Variants in CNTN6 observed in about 807,000 individuals in gnomAD.
The protein encoded by CNTN6 is contactin-6.
A neutral mutation model predicts 122.8 loss-of-function variants in CNTN6; 137 were observed. The observed-to-expected ratio is 1.12, with a 90% CI of 0.97 to 1.29. The LOEUF is 1.29. Among genes scored for constraint, CNTN6 ranks in the 50% most tolerant of loss-of-function variants. The pLI, the probability that CNTN6 is intolerant of heterozygous loss-of-function variation, is 0.00. For missense variants in CNTN6, 1,634 were observed against 1,223.4 expected, an observed-to-expected ratio of 1.34 and a Z score of -5.01; for synonymous variants, 570 against 426.0, an observed-to-expected ratio of 1.34 and a Z score of -4.16.
At chr3:1,144,612 A>AT (rs2092685797) in intron 1 of CNTN6, among the ~76,000 whole-genome samples, 2 of 152,006 alleles carry the variant, frequency 1.3e-5, no homozygotes, top group Non-Finnish European at 2.9e-5. Context: ...AAAAAATAAA[A>AT]AAAGAATGAA....
At chr3:1,244,604 C>A (rs111902812) in intron 4 of CNTN6, among the ~76,000 whole-genome samples, 3,327 of 147,784 alleles carry the variant, frequency 0.023, 71 homozygotes, top group Middle Eastern at 0.045. Context: ...TCCCCCGATC[C>A]GAGTCACAGC....
At chr3:1,306,607 G>C (rs1199579944) in intron 7 of CNTN6, among the ~76,000 whole-genome samples, 1 of 151,840 alleles carries the variant, frequency 6.6e-6, no homozygotes, top group East Asian at 1.9e-4. Flanking sequence ...GGATGACTTT[G>C]GTCAGTTTTC....
chr3:1,402,177 A>G, intron 21 of CNTN6, 141 bp from the exon 22 acceptor site: 1 of 595,100 alleles, frequency 1.7e-6, no homozygotes. Context: ...AATATAAGGA[A>G]AAGACATCAC....
At chr3:1,213,349 G>A (rs1413457121) in intron 2 of CNTN6, among the ~76,000 whole-genome samples, 3 of 152,032 alleles carry the variant, frequency 2.0e-5, no homozygotes, top group Non-Finnish European at 2.9e-5. Flanking sequence ...GTAGGAGGTA[G>A]GGGGTTGGAA....
intron 4 of CNTN6, among the ~76,000 whole-genome samples, chr3:1,243,666 G>C (rs1010534777): frequency 6.6e-6 from 1 of 152,312 alleles, no homozygotes; most frequent in Non-Finnish European, 1.5e-5. Context: ...TAAAGAAAAA[G>C]AAGCATTAAC....
At chr3:1,155,173 A>C (rs910839039) in intron 2 of CNTN6, among the ~76,000 whole-genome samples, 1 of 152,144 alleles carries the variant, frequency 6.6e-6, no homozygotes, top group Non-Finnish European at 1.5e-5. Flanking sequence ...GAATTAACTT[A>C]TTTATACATT....
chr3:1,330,898 G>T (rs57533917), intron 11 of CNTN6, among the ~76,000 whole-genome samples: 11,881 of 151,922 alleles, frequency 0.078, 601 homozygotes, highest in Non-Finnish European at 0.11. Context: ...TCAACTGGTT[G>T]CCTTGCGGGA....
intron 5 of CNTN6, among the ~76,000 whole-genome samples, chr3:1,283,710 A>G (rs17037146): frequency 0.1 from 15,758 of 152,192 alleles, 2,796 homozygotes; most frequent in African/African-American, 0.36. Flanking sequence ...GTTGGATATG[A>G]AACTCTCGGC....
intron 2 of CNTN6, among the ~76,000 whole-genome samples, chr3:1,203,728 C>T (rs189467673): frequency 2.0e-5 from 3 of 152,150 alleles, no homozygotes; most frequent in African/African-American, 7.2e-5. Flanking sequence ...GCTTGGGGTG[C>T]GTATGTATGT....
chr3:1,381,911 G>GAC (rs1228347928), intron 17 of CNTN6, among the ~76,000 whole-genome samples: 1 of 152,006 alleles, frequency 6.6e-6, no homozygotes, highest in Non-Finnish European at 1.5e-5. Flanking sequence ...TACTCACCAA[G>GAC]ACGGTGCCTG....
intron 5 of CNTN6, among the ~76,000 whole-genome samples, chr3:1,290,571 CAAGA>C (rs1695161212): frequency 6.6e-6 from 1 of 152,064 alleles, no homozygotes; most frequent in African/African-American, 2.4e-5. Context: ...GGATCTTGTA[CAAGA>C]AAGAATTCAG....
Position 1,364,487 on chromosome 3 carries a change from G to A in CNTN6, c.1493-7812G>A, listed in dbSNP as rs72995964. ...TATTCTGAAAAGTGACATTGATAAG[G>A]GTTTCAACTGAGTTGAAGGAAAAAA... On this transcript the variant is annotated intron_variant, in intron 12 of 22. Transcript: ENST00000446702. Among the ~76,000 whole-genome samples the A allele has an allele frequency of 6.0e-3, 909 of 151,354 alleles. 10 individuals carry two copies. The highest frequency in any genetic ancestry group is 9.9e-3 in the Non-Finnish European group (667 of 67,650).
intron 7 of CNTN6, among the ~76,000 whole-genome samples, chr3:1,305,226 G>A (rs952332533): frequency 2.0e-5 from 3 of 152,120 alleles, no homozygotes; most frequent in Non-Finnish European, 2.9e-5. Flanking sequence ...TGTATAAAAA[G>A]TGAGGTCTAG....
chr3:1,295,518 A>C (rs1696060280), intron 5 of CNTN6, 83 bp from the exon 6 acceptor site: 1 of 1,180,816 alleles, frequency 8.5e-7, no homozygotes, highest in Non-Finnish European at 1.2e-6. Flanking sequence ...ATGGGGAAGT[A>C]AGACAAAGAA....
intron 2 of CNTN6, among the ~76,000 whole-genome samples, chr3:1,150,181 T>C (rs780432958): frequency 2.0e-5 from 3 of 152,202 alleles, no homozygotes; most frequent in Non-Finnish European, 4.4e-5. Context: ...GTTAGACGTT[T>C]CATGGTGTGT....
intron 12 of CNTN6, among the ~76,000 whole-genome samples, chr3:1,361,338 A>G (rs981641064): frequency 9.9e-5 from 15 of 152,262 alleles, no homozygotes; most frequent in African/African-American, 3.4e-4. Context: ...CTATTAAAAT[A>G]TAGGCAAGAT....
intron 12 of CNTN6, among the ~76,000 whole-genome samples, chr3:1,354,736 A>T (rs1364113046): frequency 1.3e-5 from 2 of 151,520 alleles, no homozygotes; most frequent in Admixed American, 1.3e-4. Context: ...GATATTTTTC[A>T]TACTGGCTTC....
At chr3:1,269,797 A>T (rs750632469) in intron 4 of CNTN6, among the ~76,000 whole-genome samples, 2 of 151,768 alleles carry the variant, frequency 1.3e-5, no homozygotes, top group Non-Finnish European at 2.9e-5. Context: ...CTATTTTTTC[A>T]TAAAAAAAAA....
Position 1,372,868 on chromosome 3 carries a change from A to G in CNTN6, c.1699A>G (p.Ile567Val). Residue 567 changes from isoleucine to valine, a missense_variant, in exon 14 of 23, where the codon ATT becomes GTT. Physicochemically the swap from Ile to Val is conservative, Grantham distance 29. Coordinates refer to ENST00000446702, the MANE Select transcript of CNTN6 (RefSeq NM_001289080.2). ...TGTTGGGGATTTGATGATAAGGAAT[A>G]TTCAGTTACATCATTCAGGAAAATA... ...ESVGDLMIRN[I>V]QLHHSGKYLC... The G allele has an allele frequency of 6.2e-7, 1 of 1,608,926 alleles. No individual in the cohort carries two copies. Among genetic ancestry groups the G allele is most frequent in the South Asian group, 1.1e-5 (1 of 90,522 alleles).
Sources: allele counts gnomAD v4.1 joint callset (sites outside exome capture counted in the v4.1 genomes callset), GRCh38; gene constraint gnomAD v4.1.1; transcripts MANE v1.5; gene names NCBI Gene and HGNC (gene_info 2026-07-23, HGNC 2026-07-21).